The following ZNF77 variants were observed in gnomAD, a reference collection of about 807,000 sequenced individuals.
ZNF77 encodes the protein zinc finger protein 77, also known as ZNFpT1.
In ZNF77, 15 loss-of-function variants were observed where a neutral mutation model predicts 13.5. The ratio of observed to expected loss-of-function variants is 1.11; its 90% CI spans 0.74 to 1.71. The LOEUF is 1.71. Ranked by LOEUF, ZNF77 falls within the 40% of genes most tolerant of loss-of-function variation. The pLI, the probability that ZNF77 is intolerant of heterozygous loss-of-function variation, is 0.00. For synonymous variants in ZNF77, 282 were observed against 250.0 expected, an observed-to-expected ratio of 1.13 and a Z score of -1.21; for missense variants, 717 against 676.4, an observed-to-expected ratio of 1.06 and a Z score of -0.67.
Position 2,933,592 on chromosome 19 carries a change from C to T in ZNF77, c.1535G>A (p.Arg512Lys). 17 of 1,614,094 alleles carry T rather than the reference C, an allele frequency of 1.1e-5. No homozygotes were observed. Among genetic ancestry groups the T allele is most frequent in the Non-Finnish European group, 1.4e-5 (16 of 1,179,950 alleles). ...ATACGGTCTCTCTCCAGTGTGCGTTCTCACGTGCACACGAAGGGACGAGGA... is the reference window on the plus strand; with the variant it reads ...ATACGGTCTCTCTCCAGTGTGCGTTTTCACGTGCACACGAAGGGACGAGGA... Reference protein sequence around the residue: ...SCSSSLRVHVRTHTGERPYEC... With the variant: ...SCSSSLRVHVKTHTGERPYEC... Residue 512 changes from arginine to lysine, a missense_variant, in exon 4 of 4, where the codon AGA (arginine) becomes AAA (lysine). Physicochemically the swap from Arg to Lys is conservative, Grantham distance 26. Transcript: ENST00000314531.
At chr19:2,944,769 C>G in intron 1 of ZNF77, 69 bp downstream of exon 1, 1 of 1,473,938 alleles carries the variant, frequency 6.8e-7, no homozygotes, top group Non-Finnish European at 8.9e-7. Context: ...GCTGCGAACT[C>G]GGGCGGAAGC....
In ZNF77 at chr19:2,934,515, T is replaced by C. The variant is rs2088378233; in HGVS notation, c.612A>G (p.Lys204=). 6.2e-7 allele frequency: 1 copy of C among 1,614,214 alleles called. No homozygotes were observed. The highest frequency in any genetic ancestry group is 8.5e-7 in the Non-Finnish European group (1 of 1,180,032). Residue 204 remains lysine, a synonymous_variant, in exon 4 of 4, where the codon AAA becomes AAG. Coordinates refer to ENST00000314531, the MANE Select transcript of ZNF77 (RefSeq NM_021217.3). The part of the protein sequence containing the change: ...DSRTASVTYV[K]SLSSKKSYEC... ...CATAAGACTTTTTACTGCTGAGACT[T>C]TTCACGTATGTCACAGATGCTGTCC... is the stretch of plus-strand genomic sequence containing the variant.
Position 2,933,546 on chromosome 19 carries a change from T to A in ZNF77, c.1581A>T (p.Lys527Asn), listed in dbSNP as rs749454389. The change falls in exon 4 of 4, where the codon AAA becomes AAT. Residue 527 changes from lysine to asparagine, a missense_variant. Physicochemically the swap from Lys to Asn is moderately conservative, Grantham distance 94. Transcript: ENST00000314531. Reference sequence around the variant, plus strand: ...GAAGCGATGCGAGATACCTGAAGGTTTTCCCACACTGCTTGCATTCATACG... The same window carrying A: ...GAAGCGATGCGAGATACCTGAAGGTATTCCCACACTGCTTGCATTCATACG... ...ERPYECKQCG[K>N]TFRYLASLQA... The A allele has an allele frequency of 6.2e-7, 1 of 1,608,546 alleles. No homozygotes were observed. Among genetic ancestry groups the A allele is most frequent in the Non-Finnish European group, 8.5e-7 (1 of 1,176,186 alleles).
chr19:2,937,811 C>T (rs1417540635), intron 2 of ZNF77, among the ~76,000 whole-genome samples: 1 of 152,072 alleles, frequency 6.6e-6, no homozygotes, highest in African/African-American at 2.4e-5. Flanking sequence ...GACTGGAGTG[C>T]AGTGGCACTT....
chr19:2,939,551 C>A (rs919786720), intron 1 of ZNF77, 144 bp from the exon 2 acceptor site: 22 of 1,159,070 alleles, frequency 1.9e-5, no homozygotes, highest in Non-Finnish European at 2.4e-5. Flanking sequence ...TGAAAAAGTG[C>A]AGTACACTCA....
At chr19:2,939,641 C>T (rs763213568) in intron 1 of ZNF77, 6 of 517,650 alleles carry the variant, frequency 1.2e-5, no homozygotes, top group South Asian at 2.2e-5. Context: ...TACTGAGAAA[C>T]GGCAGGTATG....
At position 2,933,312 on chromosome 19, in the gene ZNF77, T is replaced by C. The variant is rs961535019; in HGVS notation, c.*177A>G. On this transcript the variant is annotated 3_prime_UTR_variant, in exon 4 of 4. Transcript: ENST00000314531. The stretch of plus-strand genomic sequence containing the variant: ...AGGAATCACTATTAAGGCTGAGGCA[T>C]GTAAAGGCAATACCATATTAATCAT... The C allele has an allele frequency of 9.6e-6, 6 of 624,484 alleles. No homozygotes were observed. Among genetic ancestry groups the C allele is most frequent in the African/African-American group, 3.6e-5 (2 of 54,858 alleles). 38.7% of individuals were successfully genotyped at this position (624,484 alleles called of 1,614,324 possible). A position where few individuals can be genotyped will look rare whatever the true frequency, so the allele number is the denominator to read the frequency against.
rs141544349 is a variant in ZNF77 at position 2,934,347 on chromosome 19, T to C, written c.780A>G (p.Arg260=). ...CATAGGGTTTCTCTCCTGTGTGAGT[T>C]CTTACGTGCCGTGTAAGGTAGGAGT... The part of the protein sequence containing the change: ...MYYSYLTRHV[R]THTGEKPYEC... The change falls in exon 4 of 4, where the codon AGA becomes AGG. Residue 260 remains arginine (R), a synonymous_variant. Transcript: ENST00000314531. 12 of 1,614,090 alleles carry C rather than the reference T, an allele frequency of 7.4e-6. No homozygotes were observed. The highest frequency in any genetic ancestry group is 1.6e-4 in the Middle Eastern group (1 of 6,084).
chr19:2,935,693 T>C (rs998843991), intron 3 of ZNF77, among the ~76,000 whole-genome samples: 2 of 152,072 alleles, frequency 1.3e-5, no homozygotes, highest in African/African-American at 4.8e-5. Flanking sequence ...ACACGTGACA[T>C]TGACATCACA....
intron 1 of ZNF77, among the ~76,000 whole-genome samples, chr19:2,942,370 C>CTTT (rs71179937): frequency 4.2e-4 from 43 of 102,034 alleles, no homozygotes; most frequent in African/African-American, 1.0e-3. Context: ...GCGCCCGGCT[C>CTTT]TTTTTTTTTT....
At chr19:2,940,434 G>T (rs1235588068) in intron 1 of ZNF77, among the ~76,000 whole-genome samples, 1 of 152,016 alleles carries the variant, frequency 6.6e-6, no homozygotes, top group Non-Finnish European at 1.5e-5. Flanking sequence ...TAGCATTTTG[G>T]GAGGCTAAGG....
intron 1 of ZNF77, among the ~76,000 whole-genome samples, chr19:2,942,195 C>A (rs2088454873): frequency 6.6e-6 from 1 of 151,416 alleles, no homozygotes; most frequent in Non-Finnish European, 1.5e-5. Context: ...CCTCAGACTC[C>A]CAAGTAGCTG....
chr19:2,939,763 G>A, intron 1 of ZNF77: 1 of 272,252 alleles, frequency 3.7e-6, no homozygotes, highest in South Asian at 4.0e-5. Context: ...CTTAGGGCCA[G>A]GAGTTGGCGA....
intron 3 of ZNF77, among the ~76,000 whole-genome samples, chr19:2,935,131 G>A (rs62125408): frequency 0.059 from 9,030 of 151,976 alleles, 441 homozygotes; most frequent in South Asian, 0.19. Context: ...CCATTCTCCT[G>A]CCTCAGCCTC....
chr19:2,943,942 T>C (rs8101641), intron 1 of ZNF77, among the ~76,000 whole-genome samples: 6,423 of 151,934 alleles, frequency 0.042, 443 homozygotes, highest in African/African-American at 0.15. Flanking sequence ...ACTCCTGACC[T>C]CAGGTGATCC....
intron 3 of ZNF77, 104 bp downstream of exon 3, chr19:2,936,420 A>G (rs1599618349): frequency 7.7e-7 from 1 of 1,301,570 alleles, no homozygotes; most frequent in East Asian, 2.6e-5. Context: ...AAGTGCTGGG[A>G]TTACAGGCGC....
At position 2,939,410 on chromosome 19, in the gene ZNF77, A is replaced by G. The variant is rs1364124747; in HGVS notation, c.4-3T>C. The G allele has an allele frequency of 6.2e-7, 1 of 1,613,872 alleles. No homozygotes were observed. Among genetic ancestry groups the G allele is most frequent in the Admixed American group, 1.7e-5 (1 of 60,000 alleles). Reference sequence around the variant, plus strand: ...ACTTCCTCAAAGATCACGCAGTCCTAAAACATTCCACACATCCCACTTCAG... The same window carrying G: ...ACTTCCTCAAAGATCACGCAGTCCTGAAACATTCCACACATCCCACTTCAG... On this transcript the variant is annotated splice_region_variant and splice_polypyrimidine_tract_variant and intron_variant, in intron 1 of 3. Coordinates refer to ENST00000314531, the MANE Select transcript of ZNF77 (RefSeq NM_021217.3).
intron 3 of ZNF77, 93 bp downstream of exon 3, chr19:2,936,431 G>T: frequency 7.3e-7 from 1 of 1,370,326 alleles, no homozygotes; most frequent in South Asian, 1.5e-5. Context: ...TTACAGGCGC[G>T]AGCCCCTGTG....
intron 2 of ZNF77, among the ~76,000 whole-genome samples, chr19:2,938,767 T>C (rs368435463): frequency 1.3e-3 from 199 of 152,118 alleles, no homozygotes; most frequent in South Asian, 2.9e-3. Flanking sequence ...CCATCCTGGC[T>C]AACACGGTGA....
Sources: gnomAD v4.1 joint callset for allele counts (sites outside exome capture counted in the v4.1 genomes callset) on GRCh38, gnomAD v4.1.1 for gene constraint, MANE v1.5 for transcripts, NCBI Gene and HGNC (gene_info 2026-07-23, HGNC 2026-07-21) for gene names.